Variants in B3GALT1 observed in about 807,000 individuals in gnomAD.
B3GALT1 encodes beta-1,3-galactosyltransferase 1, also known as UDP-Gal:betaGlcNAc beta 1,3-galactosyltransferase, polypeptide 1.
A neutral mutation model predicts 23.2 loss-of-function variants in B3GALT1; 10 were observed. The observed-to-expected ratio is 0.43, with a 90% CI of 0.27 to 0.73. The LOEUF (loss-of-function observed/expected upper bound fraction) is 0.73, where lower values mean the gene tolerates loss of function less well. Among genes scored for constraint, B3GALT1 ranks in the 30% least tolerant of loss-of-function variants. The pLI is 0.21. For missense variants in B3GALT1, 299 were observed against 405.4 expected, an observed-to-expected ratio of 0.74 and a Z score of 2.25; for synonymous variants, 156 against 141.5, an observed-to-expected ratio of 1.10 and a Z score of -0.73.
intron 3 of B3GALT1, among the ~76,000 whole-genome samples, chr2:167,788,973 C>T (rs1477735958): frequency 1.3e-5 from 2 of 152,082 alleles, no homozygotes. Context: ...GTCAGTGGTC[C>T]CTTGGCACTT....
chr2:167,537,531 C>T (rs1453975631), intron 2 of B3GALT1, among the ~76,000 whole-genome samples: 3 of 152,084 alleles, frequency 2.0e-5, no homozygotes, highest in South Asian at 4.1e-4. Flanking sequence ...TTCAGTTACC[C>T]CTCCCAGATT....
At chr2:167,358,541 T>G (rs1697452038) in intron 1 of B3GALT1, among the ~76,000 whole-genome samples, 1 of 152,184 alleles carries the variant, frequency 6.6e-6, no homozygotes, top group Non-Finnish European at 1.5e-5. Context: ...TTTTTTTTAG[T>G]AATAATGAAC....
intron 1 of B3GALT1, among the ~76,000 whole-genome samples, chr2:167,302,511 T>A (rs535822520): frequency 6.6e-6 from 1 of 152,306 alleles, no homozygotes; most frequent in Non-Finnish European, 1.5e-5. Flanking sequence ...GATATCTGGT[T>A]AATTTCATAG....
intron 1 of B3GALT1, among the ~76,000 whole-genome samples, chr2:167,315,440 G>A (rs1238372687): frequency 6.6e-6 from 1 of 151,928 alleles, no homozygotes; most frequent in Non-Finnish European, 1.5e-5. Context: ...TTTGACAAAG[G>A]TAGGATAAGC....
At chr2:167,688,736 A>G (rs1460818782) in intron 3 of B3GALT1, among the ~76,000 whole-genome samples, 1 of 152,142 alleles carries the variant, frequency 6.6e-6, no homozygotes, top group Non-Finnish European at 1.5e-5. Flanking sequence ...CTGAAAAAGC[A>G]TTCAAATAAA....
rs199518665 is a variant in B3GALT1, at chr2:167,512,579, T to TATAC, written c.-410+22302_-410+22303insATAC. Among the ~76,000 whole-genome samples the TATAC allele has an allele frequency of 4.6e-4, 46 of 99,816 alleles. 2 individuals are homozygous for TATAC. The highest frequency in any genetic ancestry group is 1.7e-3 in the East Asian group (5 of 2,978). The allele number at this position is 99,816 out of a possible 152,430, so 65.5% of individuals were successfully genotyped here. ...ATGTATATATATATGTATATATATA[T>TATAC]GTATATATATATGTGTATATATATA... On this transcript the variant is annotated intron_variant, in intron 2 of 4. Coordinates refer to ENST00000392690, the MANE Select transcript of B3GALT1 (RefSeq NM_020981.4).
chr2:167,488,973 CA>C (rs5836143), intron 1 of B3GALT1, among the ~76,000 whole-genome samples: 74,075 of 150,282 alleles, frequency 0.49, 19,126 homozygotes, highest in Non-Finnish European at 0.57. Flanking sequence ...TATGATATTA[CA>C]AAAAAAAAAA....
chr2:167,392,765 C>T (rs558377428), intron 1 of B3GALT1, among the ~76,000 whole-genome samples: 3 of 152,196 alleles, frequency 2.0e-5, no homozygotes, highest in East Asian at 3.9e-4. Context: ...ATAGCAGAAA[C>T]AGTGTTTTAG....
At chr2:167,767,332 G>A (rs910036097) in intron 3 of B3GALT1, among the ~76,000 whole-genome samples, 4 of 152,128 alleles carry the variant, frequency 2.6e-5, no homozygotes, top group Non-Finnish European at 4.4e-5. Flanking sequence ...TTATCCATTT[G>A]TAAACTGCTC....
rs141160242 is a variant in B3GALT1, at chr2:167,868,923, C to T, written c.-117C>T. On this transcript the variant is annotated 5_prime_UTR_variant, in exon 5 of 5. The change creates a new upstream start codon in the 5' untranslated region. Transcript: ENST00000392690. ...AGGCCCATGGACAATCTCCACCTCA[C>T]GCTTCTCTATCAAACTTGAAGATTT... The T allele has an allele frequency of 1.6e-5, 20 of 1,262,332 alleles. No homozygotes were observed. The highest frequency in any genetic ancestry group is 2.0e-4 in the Middle Eastern group (1 of 4,926). The allele number at this position is 1,262,332 out of a possible 1,614,324, so 78.2% of individuals were successfully genotyped here. A position where few individuals can be genotyped will look rare whatever the true frequency, so the allele number is the denominator to read the frequency against.
At chr2:167,504,539 G>A (rs374529431) in intron 2 of B3GALT1, among the ~76,000 whole-genome samples, 31 of 152,176 alleles carry the variant, frequency 2.0e-4, no homozygotes, top group East Asian at 9.7e-4. Flanking sequence ...TAAATAAAAA[G>A]TGAAAAGAAA....
chr2:167,747,845 A>G (rs1687675615), intron 3 of B3GALT1, among the ~76,000 whole-genome samples: 1 of 152,208 alleles, frequency 6.6e-6, no homozygotes, highest in African/African-American at 2.4e-5. Flanking sequence ...CAAAATTTCA[A>G]AACAAATGTG....
intron 3 of B3GALT1, among the ~76,000 whole-genome samples, chr2:167,805,677 T>A (rs1315379641): frequency 4.6e-5 from 7 of 152,252 alleles, no homozygotes; most frequent in East Asian, 3.9e-4. Flanking sequence ...GTTCTGTTCC[T>A]TTGATCTATA....
chr2:167,758,721 T>A (rs1200839617), intron 3 of B3GALT1, among the ~76,000 whole-genome samples: 4 of 152,148 alleles, frequency 2.6e-5, no homozygotes, highest in Admixed American at 6.6e-5. Context: ...GTGCCTCATA[T>A]TTGAACTCTC....
intron 1 of B3GALT1, among the ~76,000 whole-genome samples, chr2:167,432,697 A>G (rs1047128785): frequency 6.6e-6 from 1 of 152,204 alleles, no homozygotes; most frequent in Non-Finnish European, 1.5e-5. Flanking sequence ...AGCCTATGAA[A>G]AGATTTTACA....
chr2:167,386,932 C>T (rs147456260), intron 1 of B3GALT1, among the ~76,000 whole-genome samples: 8 of 152,286 alleles, frequency 5.3e-5, no homozygotes, highest in Non-Finnish European at 1.0e-4. Flanking sequence ...AACTGTCTCT[C>T]ACCTCCTCTG....
At chr2:167,391,354 C>T (rs954117984) in intron 1 of B3GALT1, among the ~76,000 whole-genome samples, 1 of 152,222 alleles carries the variant, frequency 6.6e-6, no homozygotes, top group Non-Finnish European at 1.5e-5. Flanking sequence ...TATTTTAGCT[C>T]ATTTGTTATT....
chr2:167,319,707 TATA>T (rs1355762357), intron 1 of B3GALT1, among the ~76,000 whole-genome samples: 1 of 152,044 alleles, frequency 6.6e-6, no homozygotes, highest in Non-Finnish European at 1.5e-5. Flanking sequence ...AAAAGATATA[TATA>T]ATGTTTGTAA....
At chr2:167,311,199 C>T (rs1696629988) in intron 1 of B3GALT1, among the ~76,000 whole-genome samples, 1 of 152,052 alleles carries the variant, frequency 6.6e-6, no homozygotes, top group Admixed American at 6.6e-5. Context: ...TATAGTTATA[C>T]ACAGAATGTT....
Sources: allele counts gnomAD v4.1 joint callset (sites outside exome capture counted in the v4.1 genomes callset), GRCh38; gene constraint gnomAD v4.1.1; transcripts MANE v1.5; gene names NCBI Gene and HGNC (gene_info 2026-07-23, HGNC 2026-07-21).